The following ANKMY1 variants were observed in gnomAD, a reference collection of about 807,000 sequenced individuals.
ANKMY1 encodes ankyrin repeat and MYND domain containing 1, also known as ankyrin repeat and MYND domain-containing protein 1.
Under a neutral mutation model 102.0 loss-of-function variants are expected in ANKMY1, and 98 were observed. The observed-to-expected ratio is 0.96, with a 90% CI of 0.82 to 1.14. The LOEUF is 1.14. ANKMY1 is among the 50% of genes most tolerant of loss of function. ANKMY1 has a pLI of 0.00. For missense variants in ANKMY1, 1,330 were observed against 1,347.6 expected (o/e 0.99, Z 0.20); for synonymous variants, 582 against 559.9 (o/e 1.04, Z -0.56).
intron 5 of ANKMY1, among the ~76,000 whole-genome samples, chr2:240,528,588 G>A (rs1307740404): frequency 1.3e-5 from 2 of 152,044 alleles, no homozygotes; most frequent in Non-Finnish European, 2.9e-5. Context: ...GCAACGGTGG[G>A]GGCAGGGCAC....
At chr2:240,534,466 G>T (rs1230435414) in intron 4 of ANKMY1, among the ~76,000 whole-genome samples, 4 of 152,064 alleles carry the variant, frequency 2.6e-5, no homozygotes, top group African/African-American at 9.7e-5. Context: ...ACCCAGCATG[G>T]TGATGCATGC....
intron 1 of ANKMY1, 80 bp downstream of exon 1, chr2:240,557,801 G>C (rs1245011629): frequency 2.3e-5 from 21 of 901,256 alleles, no homozygotes; most frequent in Non-Finnish European, 2.7e-5. Context: ...CGAGCCTGGC[G>C]CCCCCCCGCA....
intron 9 of ANKMY1, among the ~76,000 whole-genome samples, chr2:240,516,459 C>A (rs1344564234): frequency 2.6e-5 from 4 of 152,052 alleles, no homozygotes. Flanking sequence ...ATACGTTGTT[C>A]CTATGTGTTC....
intron 9 of ANKMY1, among the ~76,000 whole-genome samples, chr2:240,518,838 T>C (rs972905208): frequency 3.3e-5 from 5 of 152,120 alleles, no homozygotes; most frequent in Admixed American, 3.3e-4. Flanking sequence ...AACCAAAAAT[T>C]CTGTTTTCTG....
chr2:240,505,122 T>C (rs1471284373), intron 13 of ANKMY1, among the ~76,000 whole-genome samples: 1 of 151,868 alleles, frequency 6.6e-6, no homozygotes, highest in Non-Finnish European at 1.5e-5. Flanking sequence ...GGTGAGAACA[T>C]GAAACAGTGC....
chr2:240,496,141 T>A (rs1235257250), intron 15 of ANKMY1, among the ~76,000 whole-genome samples: 6 of 152,244 alleles, frequency 3.9e-5, no homozygotes, highest in African/African-American at 1.4e-4. Context: ...TTTCTCTTGC[T>A]GCTTTCAATG....
chr2:240,533,296 G>C (rs1024059343), intron 4 of ANKMY1, among the ~76,000 whole-genome samples: 1 of 151,900 alleles, frequency 6.6e-6, no homozygotes, highest in African/African-American at 2.4e-5. Context: ...ATAACAGGTG[G>C]AACAAAGAAA....
chr2:240,560,561 G>A, upstream of ANKMY1: 1 of 1,276,976 alleles, frequency 7.8e-7, no homozygotes, highest in Admixed American at 4.2e-5. Context: ...GTCCACCTCG[G>A]AGGCCTCTAG....
chr2:240,484,507 A>C (rs967254662), intron 15 of ANKMY1, among the ~76,000 whole-genome samples: 1 of 152,236 alleles, frequency 6.6e-6, no homozygotes, highest in Non-Finnish European at 1.5e-5. Flanking sequence ...CATATGCAGA[A>C]AACTGAAACT....
chr2:240,560,352 G>A (rs2092851604), upstream of ANKMY1: 1 of 220,078 alleles, frequency 4.5e-6, no homozygotes, highest in Admixed American at 5.8e-5. Context: ...CTGCGCCCAA[G>A]AGCCACAGAC....
chr2:240,496,275 T>G (rs544558458), intron 15 of ANKMY1, among the ~76,000 whole-genome samples: 13 of 152,226 alleles, frequency 8.5e-5, no homozygotes, highest in Non-Finnish European at 1.6e-4. Flanking sequence ...TAAATATGTT[T>G]AGAAAGTTTT....
At chr2:240,545,229 G>A (rs150561008) in intron 4 of ANKMY1, among the ~76,000 whole-genome samples, 17,729 of 152,256 alleles carry the variant, frequency 0.12, 1,159 homozygotes, top group Middle Eastern at 0.17. Flanking sequence ...CTAACTGGGA[G>A]GCACCCCCCA....
At chr2:240,471,581 A>C in the ANKMY1 span, among the ~76,000 whole-genome samples, 1 of 152,196 alleles carries the variant, frequency 6.6e-6, no homozygotes, top group African/African-American at 2.4e-5. Flanking sequence ...CCATTTTTAA[A>C]AAGAAAAAAC....
At chr2:240,471,288 ATCTG>A in the ANKMY1 span, among the ~76,000 whole-genome samples, 1 of 142,840 alleles carries the variant, frequency 7.0e-6, no homozygotes, top group South Asian at 2.2e-4. Flanking sequence ...GAGACAGAGT[ATCTG>A]TCTGTCACCA....
At chr2:240,534,730 T>A (rs1410094495) in intron 4 of ANKMY1, among the ~76,000 whole-genome samples, 1 of 152,196 alleles carries the variant, frequency 6.6e-6, no homozygotes, top group East Asian at 1.9e-4. Flanking sequence ...ATAAGAATAA[T>A]AAATCCACAA....
chr2:240,493,219 CAGG>C (rs1375276018), intron 15 of ANKMY1, among the ~76,000 whole-genome samples: 1 of 151,896 alleles, frequency 6.6e-6, no homozygotes, highest in African/African-American at 2.4e-5. Flanking sequence ...CCCAGCTACT[CAGG>C]AGGCTAAGGC....
chr2:240,489,690 A>G (rs2076427282), intron 15 of ANKMY1, among the ~76,000 whole-genome samples: 1 of 152,192 alleles, frequency 6.6e-6, no homozygotes, highest in Non-Finnish European at 1.5e-5. Flanking sequence ...GAATTTCTGC[A>G]TCTAGATTAA....
intron 15 of ANKMY1, among the ~76,000 whole-genome samples, chr2:240,483,631 C>T (rs2075704764): frequency 6.6e-6 from 1 of 152,166 alleles, no homozygotes; most frequent in East Asian, 1.9e-4. Context: ...CTATATGTCT[C>T]AGAATTTTCC....
intron 4 of ANKMY1, among the ~76,000 whole-genome samples, chr2:240,538,913 G>C (rs1304818467): frequency 1.3e-5 from 2 of 152,124 alleles, no homozygotes; most frequent in African/African-American, 2.4e-5. Context: ...TGGGGACTTG[G>C]AGAACTTTTA....
Sources: allele counts gnomAD v4.1 joint callset (sites outside exome capture counted in the v4.1 genomes callset), GRCh38; gene constraint gnomAD v4.1.1; transcripts MANE v1.5; gene names NCBI Gene and HGNC (gene_info 2026-07-23, HGNC 2026-07-21).